The following ZNF83 variants were observed in gnomAD, a reference collection of about 807,000 sequenced individuals.
ZNF83 encodes the protein zinc finger protein 816B.
For missense variants in ZNF83, 552 were observed against 629.9 expected (o/e 0.88, Z 1.32); for synonymous variants, 209 against 213.0 (o/e 0.98, Z 0.17).
At chr19:52,661,481 G>A (rs931984742) in intron 1 of ZNF83, among the ~76,000 whole-genome samples, 1 of 152,110 alleles carries the variant, frequency 6.6e-6, no homozygotes, top group African/African-American at 2.4e-5. Flanking sequence ...TCAATATGGG[G>A]GAAACTGCCT....
At chr19:52,616,175 CA>C (rs2060298181) in intron 2 of ZNF83, among the ~76,000 whole-genome samples, 1 of 152,202 alleles carries the variant, frequency 6.6e-6, no homozygotes, top group Admixed American at 6.5e-5. Flanking sequence ...TCCATCTTTA[CA>C]AAAACTTCAA....
chr19:52,638,332 T>G (rs772667125), exon 1 of ZNF83: 5 of 131,932 alleles, frequency 3.8e-5, no homozygotes, highest in Admixed American at 3.1e-4. Flanking sequence ...TAACTTTCAC[T>G]CCACATAATC....
At chr19:52,678,247 TC>T (rs1339828089) in intron 1 of ZNF83, among the ~76,000 whole-genome samples, 3 of 151,486 alleles carry the variant, frequency 2.0e-5, no homozygotes, top group African/African-American at 7.3e-5. Context: ...GATCAGTAGT[TC>T]AAGACCAGAC....
chr19:52,681,306 A>G (rs2061916056), intron 1 of ZNF83, among the ~76,000 whole-genome samples: 1 of 150,496 alleles, frequency 6.6e-6, no homozygotes, highest in Non-Finnish European at 1.5e-5. Context: ...AAAAAAGCAA[A>G]CGAACATAGA....
intron 2 of ZNF83, among the ~76,000 whole-genome samples, chr19:52,624,186 C>T (rs1186954240): frequency 6.6e-6 from 1 of 152,188 alleles, no homozygotes; most frequent in Non-Finnish European, 1.5e-5. Flanking sequence ...TTATTCAATA[C>T]ATTGATGACC....
chr19:52,630,961 C>G lies in ZNF83; in HGVS notation c.-234+4105G>C, dbSNP rs184925621. ...TGCCTATCCACCCCATGGTGCCAAACCCATATACTCTCCTATCCTCAGTAC... is the reference window on the plus strand; with the variant it reads ...TGCCTATCCACCCCATGGTGCCAAAGCCATATACTCTCCTATCCTCAGTAC... On this transcript the variant is annotated intron_variant, in intron 2 of 2. Coordinates refer to ENST00000301096, the Ensembl canonical transcript of ZNF83. Among the ~76,000 whole-genome samples the G allele has an allele frequency of 2.7e-4, 41 of 149,756 alleles. No homozygotes were observed. In the East Asian group the frequency reaches 7.8e-3, roughly 29 times the overall value.
chr19:52,631,907 A>G (rs1018981352), intron 2 of ZNF83, among the ~76,000 whole-genome samples: 4 of 148,340 alleles, frequency 2.7e-5, no homozygotes, highest in Admixed American at 6.9e-5. Flanking sequence ...TCCATCTGCT[A>G]TTCTACTACT....
chr19:52,635,239 C>A (rs555443566), intron 1 of ZNF83, 86 bp from the exon 2 acceptor site: 109 of 489,668 alleles, frequency 2.2e-4, no homozygotes, highest in Non-Finnish European at 3.3e-4. Flanking sequence ...GGAGACCTCA[C>A]CCTGAGGAAA....
intron 2 of ZNF83, among the ~76,000 whole-genome samples, chr19:52,631,523 C>T (rs1033844057): frequency 6.6e-6 from 1 of 152,186 alleles, no homozygotes; most frequent in African/African-American, 2.4e-5. Context: ...TATTTTCTTC[C>T]TCATACCTGA....
intron 3 of ZNF83, among the ~76,000 whole-genome samples, chr19:52,648,016 A>C (rs990707070): frequency 6.7e-5 from 10 of 149,264 alleles, no homozygotes; most frequent in Middle Eastern, 3.2e-3. Context: ...CCTGGCTGCA[A>C]ATCCCTCCTC....
At chr19:52,652,709 G>A (rs148349375) in intron 3 of ZNF83, 14 of 665,758 alleles carry the variant, frequency 2.1e-5, no homozygotes, top group African/African-American at 1.4e-4. Context: ...AGGACTTTGT[G>A]AGAATCATTA....
chr19:52,631,036 T>C (rs142527963), intron 2 of ZNF83, among the ~76,000 whole-genome samples: 14,275 of 145,860 alleles, frequency 0.098, 749 homozygotes, highest in African/African-American at 0.13. Context: ...ATGCTTTCTT[T>C]ACTATTCCTT....
intron 3 of ZNF83, among the ~76,000 whole-genome samples, chr19:52,646,982 CTCTG>C (rs1269389634): frequency 2.0e-5 from 3 of 152,168 alleles, no homozygotes; most frequent in African/African-American, 4.8e-5. Context: ...ATAAGCCCAG[CTCTG>C]TCTTTGTTCT....
chr19:52,619,001 T>C, intron 2 of ZNF83: 1 of 1,594,616 alleles, frequency 6.3e-7, no homozygotes, highest in African/African-American at 1.4e-5. Context: ...CTGAGCAGGG[T>C]CCAGGCATTT....
chr19:52,650,093 C>A (rs1329344455), intron 3 of ZNF83, among the ~76,000 whole-genome samples: 1 of 151,692 alleles, frequency 6.6e-6, no homozygotes, highest in Admixed American at 6.6e-5. Context: ...AAAATTAGGT[C>A]ATTTCAAAAG....
intron 3 of ZNF83, chr19:52,654,042 G>C: frequency 1.3e-6 from 2 of 1,582,920 alleles, no homozygotes; most frequent in Non-Finnish European, 1.7e-6. Context: ...AAGCATTGTT[G>C]ATAGACTTCT....
intron 1 of ZNF83, among the ~76,000 whole-genome samples, chr19:52,668,841 C>G (rs572309341): frequency 2.6e-5 from 4 of 152,300 alleles, no homozygotes; most frequent in South Asian, 2.1e-4. Flanking sequence ...GATGCTAGCT[C>G]TTTTCCAGGA....
At chr19:52,669,369 C>A (rs1184604571) in intron 1 of ZNF83, among the ~76,000 whole-genome samples, 2 of 152,124 alleles carry the variant, frequency 1.3e-5, no homozygotes, top group Non-Finnish European at 2.9e-5. Flanking sequence ...TGGTGGGTGA[C>A]AATTAATAAA....
In ZNF83 at chr19:52,628,240, T is replaced by A. The variant is rs114243290; in HGVS notation, c.-234+6826A>T. On this transcript the variant is annotated intron_variant, in intron 2 of 2. Coordinates refer to ENST00000301096, the Ensembl canonical transcript of ZNF83. ...TGGGGGACCTCCCTTGGGAGATCAATCGCTGTCCTCCTGCTCTTTGCTCCA... is the reference window on the plus strand; with the variant it reads ...TGGGGGACCTCCCTTGGGAGATCAAACGCTGTCCTCCTGCTCTTTGCTCCA... Among the ~76,000 whole-genome samples the A allele has an allele frequency of 5.5e-3, 834 of 152,256 alleles. 6 individuals are homozygous for A. The highest frequency in any genetic ancestry group is 0.019 in the African/African-American group (771 of 41,544).
Sources: gnomAD v4.1 joint callset for allele counts (sites outside exome capture counted in the v4.1 genomes callset) on GRCh38, gnomAD v4.1.1 for gene constraint, MANE v1.5 for transcripts, NCBI Gene and HGNC (gene_info 2026-07-23, HGNC 2026-07-21) for gene names.